SYNDIG1: variants seen among roughly 807,000 people sequenced by gnomAD.
SYNDIG1 encodes the protein synapse differentiation-inducing gene protein 1.
SYNDIG1 carries 9 observed loss-of-function variants against 19.4 expected under a neutral mutation model. The observed-to-expected ratio is 0.46, with a 90% confidence interval of 0.28 to 0.81. SYNDIG1 has a LOEUF of 0.81. SYNDIG1 is among the 30% of genes least tolerant of loss of function. SYNDIG1 has a pLI of 0.12. For synonymous variants in SYNDIG1, 141 were observed against 145.9 expected, an observed-to-expected ratio of 0.97 and a Z score of 0.24; for missense variants, 311 against 343.3, an observed-to-expected ratio of 0.91 and a Z score of 0.74.
chr20:24,514,116 T>C (rs1195904450), intron 1 of SYNDIG1, among the ~76,000 whole-genome samples: 3 of 152,114 alleles, frequency 2.0e-5, no homozygotes, highest in Non-Finnish European at 4.4e-5. Context: ...CAAGAGTTCC[T>C]GAAGGAAGCA....
At chr20:24,501,157 A>G (rs1022148816) in intron 1 of SYNDIG1, among the ~76,000 whole-genome samples, 3 of 152,184 alleles carry the variant, frequency 2.0e-5, no homozygotes, top group Non-Finnish European at 4.4e-5. Context: ...GCATATTTAC[A>G]TATTCCATCT....
intron 3 of SYNDIG1, among the ~76,000 whole-genome samples, chr20:24,620,045 A>G (rs567819097): frequency 6.6e-6 from 1 of 152,202 alleles, no homozygotes; most frequent in Non-Finnish European, 1.5e-5. Flanking sequence ...AGGAGAAGGT[A>G]AATTCTTCTT....
At chr20:24,473,517 G>A (rs1417828241) in intron 1 of SYNDIG1, among the ~76,000 whole-genome samples, 3 of 152,184 alleles carry the variant, frequency 2.0e-5, no homozygotes, top group African/African-American at 7.2e-5. Context: ...TGTTCAAAGA[G>A]CAGATGAAGT....
chr20:24,485,520 G>T (rs1174247424), intron 1 of SYNDIG1, among the ~76,000 whole-genome samples: 2 of 152,146 alleles, frequency 1.3e-5, no homozygotes, highest in African/African-American at 4.8e-5. Flanking sequence ...TAGATCTAGT[G>T]ACTTCTCCAG....
chr20:24,621,539 G>A (rs1412361126), intron 3 of SYNDIG1, among the ~76,000 whole-genome samples: 1 of 152,134 alleles, frequency 6.6e-6, no homozygotes, highest in African/African-American at 2.4e-5. Context: ...TGTGTCTGCT[G>A]GGTCTCATTT....
chr20:24,473,645 T>A (rs1434041329), intron 1 of SYNDIG1, among the ~76,000 whole-genome samples: 1 of 151,902 alleles, frequency 6.6e-6, no homozygotes, highest in Non-Finnish European at 1.5e-5. Context: ...GCGTGCAGAG[T>A]GTCTCCTGTC....
chr20:24,590,946 C>T (rs1318055499), intron 3 of SYNDIG1, among the ~76,000 whole-genome samples: 1 of 152,154 alleles, frequency 6.6e-6, no homozygotes, highest in Non-Finnish European at 1.5e-5. Flanking sequence ...TGCAGAGCTG[C>T]ACTGCTGGGA....
intron 1 of SYNDIG1, among the ~76,000 whole-genome samples, chr20:24,477,460 T>C (rs1220867927): frequency 1.3e-5 from 2 of 152,174 alleles, no homozygotes; most frequent in African/African-American, 4.8e-5. Flanking sequence ...GCACTGCAGT[T>C]ACCAGCTAGT....
intron 3 of SYNDIG1, among the ~76,000 whole-genome samples, chr20:24,634,058 G>A (rs1319173356): frequency 6.6e-6 from 1 of 152,162 alleles, no homozygotes; most frequent in Admixed American, 6.5e-5. Context: ...AGAAGGAGGA[G>A]GAAGAGAATG....
chr20:24,612,200 A>T (rs1185863380), intron 3 of SYNDIG1, among the ~76,000 whole-genome samples: 3 of 152,228 alleles, frequency 2.0e-5, no homozygotes, highest in African/African-American at 7.2e-5. Context: ...ACTTAGGAGC[A>T]CGGACGCCTC....
intron 3 of SYNDIG1, among the ~76,000 whole-genome samples, chr20:24,645,725 G>A (rs1385741081): frequency 2.6e-5 from 4 of 152,236 alleles, no homozygotes; most frequent in African/African-American, 9.6e-5. Flanking sequence ...GGGCTAGGGG[G>A]AGACTCATAC....
At chr20:24,542,991 T>C (rs2057496284) in intron 1 of SYNDIG1, 29 bp from the exon 2 acceptor site, 1 of 1,504,230 alleles carries the variant, frequency 6.6e-7, no homozygotes, top group Non-Finnish European at 9.0e-7. Context: ...GTGATTCTCT[T>C]GTCTCATCTC....
chr20:24,613,232 C>T (rs1026564477), intron 3 of SYNDIG1, among the ~76,000 whole-genome samples: 2 of 152,306 alleles, frequency 1.3e-5, no homozygotes, highest in Middle Eastern at 3.4e-3. Context: ...CCAACTTACT[C>T]CCTGTCCCAG....
intron 3 of SYNDIG1, among the ~76,000 whole-genome samples, chr20:24,628,837 C>T (rs57269062): frequency 0.013 from 2,045 of 152,288 alleles, 51 homozygotes; most frequent in African/African-American, 0.047. Flanking sequence ...CATCCCAGAA[C>T]AGGAAGTGAA....
intron 1 of SYNDIG1, among the ~76,000 whole-genome samples, chr20:24,476,618 C>T (rs955801978): frequency 1.3e-5 from 2 of 151,354 alleles, no homozygotes; most frequent in South Asian, 4.2e-4. Flanking sequence ...TGCAGTGAGC[C>T]GAGATCCCGC....
At chr20:24,500,230 T>A (rs1255275911) in intron 1 of SYNDIG1, among the ~76,000 whole-genome samples, 1 of 152,176 alleles carries the variant, frequency 6.6e-6, no homozygotes, top group Non-Finnish European at 1.5e-5. Context: ...TTTTAAATGA[T>A]GCCAAATGTG....
intron 2 of SYNDIG1, among the ~76,000 whole-genome samples, chr20:24,544,965 T>C (rs1477230222): frequency 6.6e-6 from 1 of 151,682 alleles, no homozygotes; most frequent in East Asian, 1.9e-4. Context: ...GCCTGGAAGG[T>C]GGAGGAGGCA....
intron 3 of SYNDIG1, among the ~76,000 whole-genome samples, chr20:24,664,319 T>A (rs1290749222): frequency 6.6e-6 from 1 of 152,144 alleles, no homozygotes; most frequent in Non-Finnish European, 1.5e-5. Context: ...CCGACTCCCA[T>A]ACTCACCTAT....
chr20:24,482,512 C>T (rs2055827878), intron 1 of SYNDIG1, among the ~76,000 whole-genome samples: 2 of 152,190 alleles, frequency 1.3e-5, no homozygotes, highest in African/African-American at 4.8e-5. Flanking sequence ...GAGGTTGAAT[C>T]TCTTGTCTTG....
Sources: allele counts gnomAD v4.1 joint callset (sites outside exome capture counted in the v4.1 genomes callset), GRCh38; gene constraint gnomAD v4.1.1; transcripts MANE v1.5; gene names NCBI Gene and HGNC (gene_info 2026-07-23, HGNC 2026-07-21).